Variants in PDE10A observed in about 807,000 individuals in gnomAD.
PDE10A encodes the protein cAMP and cAMP-inhibited cGMP 3',5'-cyclic phosphodiesterase 10A.
In PDE10A, 39 loss-of-function variants were observed where a neutral mutation model predicts 97.7. The ratio of observed to expected loss-of-function variants is 0.40; its 90% confidence interval spans 0.31 to 0.52. The LOEUF (loss-of-function observed/expected upper bound fraction) is 0.52, where lower values mean the gene tolerates loss of function less well. Among genes scored for constraint, PDE10A ranks in the 20% least tolerant of loss-of-function variants. PDE10A has a pLI of 0.56. For synonymous variants in PDE10A, 371 were observed against 376.8 expected, an observed-to-expected ratio of 0.98 and a Z score of 0.18; for missense variants, 731 against 1,047.8, an observed-to-expected ratio of 0.70 and a Z score of 4.17.
At chr6:165,643,521 A>C (rs1295714918) in intron 1 of PDE10A, among the ~76,000 whole-genome samples, 1 of 152,184 alleles carries the variant, frequency 6.6e-6, no homozygotes. Context: ...TGAAGAAGAA[A>C]GGGCTATCCC....
intron 13 of PDE10A, among the ~76,000 whole-genome samples, chr6:165,411,471 G>A (rs1033587823): frequency 3.3e-5 from 5 of 152,054 alleles, no homozygotes; most frequent in African/African-American, 1.2e-4. Context: ...GGGAGAAGGC[G>A]GCCATCTGCA....
intron 18 of PDE10A, among the ~76,000 whole-genome samples, chr6:165,371,904 G>A (rs1290022823): frequency 1.3e-5 from 2 of 152,026 alleles, no homozygotes; most frequent in African/African-American, 4.8e-5. Flanking sequence ...TCATCCCTGG[G>A]ATGCAAGGCT....
chr6:165,528,202 G>C, intron 2 of PDE10A, among the ~76,000 whole-genome samples: 1 of 152,214 alleles, frequency 6.6e-6, no homozygotes, highest in African/African-American at 2.4e-5. Context: ...TCTCTGAGTG[G>C]TCAAAAACTG....
intron 1 of PDE10A, among the ~76,000 whole-genome samples, chr6:165,590,288 C>T (rs1026853630): frequency 3.3e-5 from 5 of 152,284 alleles, no homozygotes; most frequent in African/African-American, 1.2e-4. Context: ...ATTATTCCCT[C>T]CATTTTAGAG....
At chr6:165,889,969 A>T (rs1053410027) in intron 1 of PDE10A, among the ~76,000 whole-genome samples, 5 of 18,348 alleles carry the variant, frequency 2.7e-4, no homozygotes, top group Non-Finnish European at 4.1e-4. Flanking sequence ...CTCACTCCTC[A>T]CTCCTCCATC....
intron 1 of PDE10A, among the ~76,000 whole-genome samples, chr6:165,881,489 G>T (rs1781477451): frequency 6.9e-6 from 1 of 144,834 alleles, no homozygotes; most frequent in African/African-American, 2.6e-5. Flanking sequence ...TCCCCCTCCT[G>T]GGTTCAGGTG....
rs183442806 is a variant in PDE10A, at chr6:165,473,663, C to A, written c.1023+8652G>T. ...TAGAACACCTGCCATGTAAAGAAAT[C>A]TCATCAAGCCTGTATTTTGAAGCAA... On this transcript the variant is annotated intron_variant, in intron 3 of 21. Transcript: ENST00000539869. Among the ~76,000 whole-genome samples the A allele has an allele frequency of 2.9e-3, 449 of 152,234 alleles. 7 individuals carry two copies. The highest frequency in any genetic ancestry group is 0.01 in the African/African-American group (435 of 41,518).
rs1189691286 is a variant in PDE10A at position 165,327,558 on chromosome 6, A to G, written c.*5467T>C. On this transcript the variant is annotated 3_prime_UTR_variant, in exon 22 of 22. Coordinates refer to ENST00000539869, the MANE Select transcript of PDE10A (RefSeq NM_001385079.1). ...ATAAATGATTACTGTTCTATTATAC[A>G]AACATAACAGTAAATGTTTTTTAAA... 1 of 152,216 alleles carries G rather than the reference A, an allele frequency of 6.6e-6. No individual in the cohort carries two copies. The highest frequency in any genetic ancestry group is 2.4e-5 in the African/African-American group (1 of 41,468). The allele number at this position is 152,216 out of a possible 1,614,324, so 9.4% of individuals were successfully genotyped here. A position where few individuals can be genotyped will look rare whatever the true frequency, so the allele number is the denominator to read the frequency against.
intron 1 of PDE10A, among the ~76,000 whole-genome samples, chr6:165,904,377 T>C (rs1782205295): frequency 6.6e-6 from 1 of 152,144 alleles, no homozygotes; most frequent in Non-Finnish European, 1.5e-5. Context: ...GTCTCTATGA[T>C]TGATCTTATT....
At chr6:165,918,389 A>G (rs1053849055) in intron 1 of PDE10A, among the ~76,000 whole-genome samples, 48 of 152,190 alleles carry the variant, frequency 3.2e-4, no homozygotes, top group African/African-American at 1.1e-3. Context: ...TTATTTTCAA[A>G]CCAGAACATA....
At chr6:165,629,125 T>G (rs1788515704) in intron 1 of PDE10A, among the ~76,000 whole-genome samples, 1 of 152,090 alleles carries the variant, frequency 6.6e-6, no homozygotes, top group African/African-American at 2.4e-5. Context: ...AAGAAAAACT[T>G]TTGAAGAGTT....
chr6:165,791,713 G>C (rs530181473), intron 1 of PDE10A, among the ~76,000 whole-genome samples: 1 of 152,118 alleles, frequency 6.6e-6, no homozygotes, highest in Non-Finnish European at 1.5e-5. Context: ...GCAATGGCTC[G>C]TGCTGCCTTA....
intron 1 of PDE10A, among the ~76,000 whole-genome samples, chr6:165,805,529 C>G (rs1583117962): frequency 6.6e-6 from 1 of 152,272 alleles, no homozygotes; most frequent in East Asian, 1.9e-4. Context: ...CCCCTGTTTC[C>G]AGACCCACCC....
At chr6:165,724,468 A>C (rs1792243346) in intron 1 of PDE10A, among the ~76,000 whole-genome samples, 2 of 152,192 alleles carry the variant, frequency 1.3e-5, no homozygotes, top group South Asian at 2.1e-4. Flanking sequence ...GATTCTCTGG[A>C]AAAGGCTAGC....
At chr6:165,384,682 G>A (rs1424078267) in intron 17 of PDE10A, among the ~76,000 whole-genome samples, 5 of 129,400 alleles carry the variant, frequency 3.9e-5, no homozygotes, top group East Asian at 2.3e-4. Context: ...GGGGGGGGGC[G>A]ACTAAAGGTT....
chr6:165,826,782 G>A (rs544041985), intron 1 of PDE10A, among the ~76,000 whole-genome samples: 2 of 152,012 alleles, frequency 1.3e-5, no homozygotes, highest in South Asian at 4.2e-4. Flanking sequence ...GTTGGGAGGG[G>A]GGACGCACAG....
At chr6:165,390,728 T>C (rs1785647559) in intron 16 of PDE10A, among the ~76,000 whole-genome samples, 1 of 152,126 alleles carries the variant, frequency 6.6e-6, no homozygotes, top group South Asian at 2.1e-4. Flanking sequence ...GGTGCTGCGA[T>C]GGGAGTCAGC....
chr6:165,373,877 T>C (rs955638764), intron 18 of PDE10A, among the ~76,000 whole-genome samples: 1 of 151,624 alleles, frequency 6.6e-6, no homozygotes, highest in African/African-American at 2.4e-5. Context: ...GTGGCACATA[T>C]ACACCATGGA....
chr6:165,461,728 C>T (rs1173203235), intron 3 of PDE10A, among the ~76,000 whole-genome samples: 1 of 152,240 alleles, frequency 6.6e-6, no homozygotes, highest in Non-Finnish European at 1.5e-5. Flanking sequence ...AATGGCCGAT[C>T]ACCTAGTTGC....
Sources: allele counts gnomAD v4.1 joint callset (sites outside exome capture counted in the v4.1 genomes callset), GRCh38; gene constraint gnomAD v4.1.1; transcripts MANE v1.5; gene names NCBI Gene and HGNC (gene_info 2026-07-23, HGNC 2026-07-21).